LTBP1: variants seen among roughly 807,000 people sequenced by gnomAD.
LTBP1 encodes the protein latent transforming growth factor beta binding protein 1, also known as latent-transforming growth factor beta-binding protein 1.
A neutral mutation model predicts 207.6 loss-of-function variants in LTBP1; 129 were observed. That is an observed-to-expected ratio of 0.62 (90% CI 0.54 to 0.72). The LOEUF (loss-of-function observed/expected upper bound fraction) is 0.72. Ranked by LOEUF, LTBP1 falls within the 30% of genes least tolerant of loss-of-function variation. The pLI, the probability that LTBP1 is intolerant of heterozygous loss-of-function variation, is 0.00. For missense variants in LTBP1, 2,281 were observed against 2,217.2 expected (o/e 1.03, Z -0.58); for synonymous variants, 963 against 833.7 (o/e 1.16, Z -2.67).
chr2:33,192,245 C>T (rs563184081), intron 7 of LTBP1, among the ~76,000 whole-genome samples: 1 of 152,270 alleles, frequency 6.6e-6, no homozygotes, highest in South Asian at 2.1e-4. Context: ...GCAAGGTCAG[C>T]GTGTCAGGAA....
intron 7 of LTBP1, among the ~76,000 whole-genome samples, chr2:33,202,987 C>G (rs2149128133): frequency 6.6e-6 from 1 of 152,370 alleles, no homozygotes; most frequent in South Asian, 2.1e-4. Context: ...CAGGCACTTC[C>G]TATGCCATCT....
At chr2:32,958,660 A>C (rs965176637) in intron 2 of LTBP1, among the ~76,000 whole-genome samples, 1 of 152,200 alleles carries the variant, frequency 6.6e-6, no homozygotes, top group Non-Finnish European at 1.5e-5. Flanking sequence ...CGATGTTGCT[A>C]ATGCTGTCCT....
At chr2:33,108,272 C>T (rs548065073) in intron 3 of LTBP1, among the ~76,000 whole-genome samples, 1 of 150,778 alleles carries the variant, frequency 6.6e-6, no homozygotes, top group African/African-American at 2.4e-5. Flanking sequence ...CCTGTGCACG[C>T]ACCTCATGGG....
intron 25 of LTBP1, among the ~76,000 whole-genome samples, chr2:33,346,906 G>A (rs1172513532): frequency 6.6e-6 from 1 of 152,076 alleles, no homozygotes; most frequent in Non-Finnish European, 1.5e-5. Flanking sequence ...CACGAGGTCA[G>A]GAGATCGAGA....
intron 3 of LTBP1, among the ~76,000 whole-genome samples, chr2:33,091,611 G>C (rs149904235): frequency 0.014 from 2,147 of 152,264 alleles, 12 homozygotes; most frequent in Non-Finnish European, 0.022. Context: ...ACACTTCTAG[G>C]TGGAAATTAA....
chr2:33,208,628 G>A (rs1363634899), intron 7 of LTBP1, among the ~76,000 whole-genome samples: 4 of 152,264 alleles, frequency 2.6e-5, no homozygotes, highest in South Asian at 2.1e-4. Context: ...GAGGAACACC[G>A]ACCTTCATAG....
rs377663333 is a variant in LTBP1, at chr2:33,182,699, TACACACACACAC to T, written c.1202-4131_1202-4120del. 2.0e-4 allele frequency among the ~76,000 whole-genome samples: 16 copies of T among 78,842 alleles called. 5 individuals are homozygous for T. The highest frequency in any genetic ancestry group is 7.7e-4 in the South Asian group (2 of 2,590). The allele number at this position is 78,842 out of a possible 152,430, so 51.7% of individuals were successfully genotyped here. ...AAGAAAAGATGGTGATATATATATA[TACACACACACAC>T]ACACACACACACACACACACACACA... On this transcript the variant is annotated intron_variant, in intron 5 of 33. Coordinates refer to ENST00000404816, the MANE Select transcript of LTBP1 (RefSeq NM_206943.4).
intron 3 of LTBP1, among the ~76,000 whole-genome samples, chr2:33,100,422 G>C (rs942077431): frequency 7.9e-5 from 12 of 151,946 alleles, no homozygotes; most frequent in African/African-American, 2.9e-4. Context: ...AAGGATGGGG[G>C]CAGGGGGGGC....
chr2:33,361,402 T>TG lies in LTBP1; in HGVS notation c.4184-27_4184-26insG, dbSNP rs775708946. 1.0e-5 allele frequency: 15 copies of TG among 1,437,556 alleles called. No individual in the cohort carries two copies. The South Asian group carries it at 1.7e-4, about 17-fold the overall frequency. The allele number at this position is 1,437,556 out of a possible 1,614,324, so 89.1% of individuals were successfully genotyped here. ...ATTCATGGAAGATGTTGAATCTTTT[T>TG]TTTTTTTTTGTCTCTTCTAAAATCA... On this transcript the variant is annotated intron_variant, in intron 27 of 33. Transcript: ENST00000404816.
chr2:32,957,421 A>G (rs1011641652), intron 2 of LTBP1, among the ~76,000 whole-genome samples: 2 of 152,216 alleles, frequency 1.3e-5, no homozygotes, highest in East Asian at 3.9e-4. Flanking sequence ...CCTGATTTCA[A>G]TATTGTTGTG....
At chr2:32,992,175 A>G (rs1341152161) in intron 2 of LTBP1, among the ~76,000 whole-genome samples, 2 of 152,222 alleles carry the variant, frequency 1.3e-5, no homozygotes, top group African/African-American at 2.4e-5. Context: ...TAGGGACACA[A>G]GATGACTTGG....
chr2:33,012,514 G>T (rs1333125265), intron 2 of LTBP1, among the ~76,000 whole-genome samples: 1 of 152,148 alleles, frequency 6.6e-6, no homozygotes, highest in Non-Finnish European at 1.5e-5. Context: ...AATTAAGGCC[G>T]CCATGTTCCT....
At chr2:33,231,456 A>C (rs925847585) in intron 9 of LTBP1, among the ~76,000 whole-genome samples, 3 of 152,214 alleles carry the variant, frequency 2.0e-5, no homozygotes, top group Non-Finnish European at 4.4e-5. Flanking sequence ...TCTGTTATTA[A>C]ATGAGACTCC....
intron 31 of LTBP1, among the ~76,000 whole-genome samples, chr2:33,369,140 A>AT (rs2095036279): frequency 6.6e-6 from 1 of 152,200 alleles, no homozygotes; most frequent in African/African-American, 2.4e-5. Flanking sequence ...TACATATTAT[A>AT]TAATATTTTT....
intron 3 of LTBP1, among the ~76,000 whole-genome samples, chr2:33,042,603 A>G (rs1219674526): frequency 3.3e-5 from 5 of 152,210 alleles, no homozygotes; most frequent in Admixed American, 2.0e-4. Context: ...ACAGCAAAAA[A>G]CACTGCAAGG....
chr2:33,108,254 G>C (rs60956634), intron 3 of LTBP1, among the ~76,000 whole-genome samples: 1,849 of 151,948 alleles, frequency 0.012, 31 homozygotes, highest in African/African-American at 0.041. Context: ...GCATCAGCCT[G>C]TGGGGTACCT....
rs1246185936 is a variant in LTBP1, at chr2:33,158,133, G to A, written c.1201+23173G>A. Among the ~76,000 whole-genome samples, 3 of 97,512 alleles carry A rather than the reference G, an allele frequency of 3.1e-5. No individual in the cohort carries two copies. The Admixed American group carries it at 4.4e-4, about 14-fold the overall frequency. The allele number at this position is 97,512 out of a possible 152,430, so 64.0% of individuals were successfully genotyped here. ...CCTGGGCAACAAGAGTGAAACTCTT[G>A]TCTCAAAAAAAAAACAAAAAAAAAA... On this transcript the variant is annotated intron_variant, in intron 5 of 33. Transcript: ENST00000404816.
intron 4 of LTBP1, among the ~76,000 whole-genome samples, chr2:33,127,230 CT>C (rs566351984): frequency 3.3e-5 from 5 of 151,190 alleles, no homozygotes; most frequent in African/African-American, 9.7e-5. Context: ...TCTTTTGACT[CT>C]TTTTTTTTCT....
intron 2 of LTBP1, among the ~76,000 whole-genome samples, chr2:32,998,340 A>G (rs1290981140): frequency 6.6e-6 from 1 of 151,440 alleles, no homozygotes; most frequent in Non-Finnish European, 1.5e-5. Flanking sequence ...ACATGGTGAA[A>G]CCCTGTCTCT....
Sources: gnomAD v4.1 joint callset for allele counts (sites outside exome capture counted in the v4.1 genomes callset) on GRCh38, gnomAD v4.1.1 for gene constraint, MANE v1.5 for transcripts, NCBI Gene and HGNC (gene_info 2026-07-23, HGNC 2026-07-21) for gene names.